The following IREB2 variants were observed in gnomAD, a reference collection of about 807,000 sequenced individuals.
IREB2 encodes the protein iron-responsive element-binding protein 2.
A neutral mutation model predicts 118.8 loss-of-function variants in IREB2; 39 were observed. The observed-to-expected ratio is 0.33, with a 90% CI of 0.25 to 0.43. The LOEUF (loss-of-function observed/expected upper bound fraction) is 0.43. IREB2 is among the 20% of genes least tolerant of loss of function. The pLI is 1.00. For missense variants in IREB2, 900 were observed against 1,147.3 expected (o/e 0.78, Z 3.11); for synonymous variants, 372 against 392.2 (o/e 0.95, Z 0.61).
rs1247407039 is a variant in IREB2, at chr15:78,478,269, TTTG to T, written c.1196-22_1196-20del. ...TAACTAAATAAATTTCTCACTGCAT[TTTG>T]TTGTTTTGTTCATCTTCGTTTTAGG... On this transcript the variant is annotated intron_variant, in intron 9 of 21. Coordinates refer to ENST00000258886, the MANE Select transcript of IREB2 (RefSeq NM_004136.4). 4 of 1,380,796 alleles carry T rather than the reference TTTG, an allele frequency of 2.9e-6. No homozygotes were observed. The East Asian group carries it at 6.9e-5, about 24-fold the overall frequency. 85.5% of individuals were successfully genotyped at this position (1,380,796 alleles called of 1,614,324 possible).
At position 78,471,669 on chromosome 15, in the gene IREB2, A is replaced by G. The variant is rs145104678; in HGVS notation, c.700-72A>G. On this transcript the variant is annotated intron_variant, in intron 6 of 21. Transcript: ENST00000258886. ...ATTAGTTAAAATATTTTTAATGTTA[A>G]TATTACACCTTGATTGTGAGCACAA... 6.7e-4 allele frequency: 585 copies of G among 873,074 alleles called. 2 individuals are homozygous for G. In the African/African-American group the frequency reaches 8.6e-3, roughly 13 times the overall value. 54.1% of individuals were successfully genotyped at this position (873,074 alleles called of 1,614,324 possible).
intron 2 of IREB2, among the ~76,000 whole-genome samples, chr15:78,447,746 G>A (rs914374425): frequency 1.1e-4 from 16 of 152,130 alleles, no homozygotes; most frequent in Non-Finnish European, 1.6e-4. Flanking sequence ...CACCATGCCC[G>A]GCCCATTATT....
At chr15:78,479,515 G>T (rs2051529988) in intron 10 of IREB2, among the ~76,000 whole-genome samples, 1 of 151,540 alleles carries the variant, frequency 6.6e-6, no homozygotes, top group South Asian at 2.1e-4. Context: ...GGGATTACAG[G>T]TGTGAACCAC....
At chr15:78,440,000 C>T in intron 2 of IREB2, 119 bp downstream of exon 2, 1 of 663,610 alleles carries the variant, frequency 1.5e-6, no homozygotes, top group Non-Finnish European at 2.6e-6. Context: ...GGTACACCTA[C>T]ACATACCTAT....
chr15:78,489,208 G>A (rs1040490283), intron 16 of IREB2, among the ~76,000 whole-genome samples: 14 of 148,012 alleles, frequency 9.5e-5, no homozygotes, highest in Non-Finnish European at 1.5e-4. Context: ...GGCAACAAGA[G>A]TGCAACTCTG....
intron 16 of IREB2, among the ~76,000 whole-genome samples, chr15:78,489,222 C>CAAAAAAAAAA (rs5813920): frequency 8.3e-6 from 1 of 120,804 alleles, no homozygotes; most frequent in Non-Finnish European, 1.8e-5. Flanking sequence ...AACTCTGTCT[C>CAAAAAAAAAA]AAAAAAAAAA....
intron 20 of IREB2, among the ~76,000 whole-genome samples, chr15:78,496,273 T>C (rs930131336): frequency 1.3e-5 from 2 of 152,200 alleles, no homozygotes; most frequent in African/African-American, 4.8e-5. Flanking sequence ...TTGTTACTTA[T>C]TTGTATTTTT....
At chr15:78,489,194 C>G (rs944420938) in intron 16 of IREB2, among the ~76,000 whole-genome samples, 5 of 151,182 alleles carry the variant, frequency 3.3e-5, no homozygotes, top group Admixed American at 1.3e-4. Context: ...TGCACTCCAG[C>G]CTGGGCAACA....
intron 3 of IREB2, among the ~76,000 whole-genome samples, chr15:78,464,685 G>A (rs2051251891): frequency 6.6e-6 from 1 of 152,120 alleles, no homozygotes; most frequent in South Asian, 2.1e-4. Flanking sequence ...CTGGGCTCAA[G>A]CTGTTATTGT....
In IREB2 at chr15:78,438,454, C is replaced by G. The variant is rs1207969864; in HGVS notation, c.19+98C>G. 17 of 1,368,758 alleles carry G rather than the reference C, an allele frequency of 1.2e-5. No individual in the cohort carries two copies. In the East Asian group the frequency reaches 4.2e-4, roughly 34 times the overall value. The allele number at this position is 1,368,758 out of a possible 1,614,324, so 84.8% of individuals were successfully genotyped here. Reference sequence around the variant, plus strand: ...TTCTCGCCTGGAGTCGCTCGGCAGGCGCCCAGGCCCTCGGGGCTCGGGTTG... The same window carrying G: ...TTCTCGCCTGGAGTCGCTCGGCAGGGGCCCAGGCCCTCGGGGCTCGGGTTG... On this transcript the variant is annotated intron_variant, in intron 1 of 21. Transcript: ENST00000258886.
intron 2 of IREB2, 44 bp from the exon 3 acceptor site, chr15:78,462,878 G>A: frequency 1.4e-6 from 2 of 1,416,982 alleles, no homozygotes; most frequent in Non-Finnish European, 9.6e-7. Context: ...ATAATATATA[G>A]GTATGACTGT....
At chr15:78,467,160 G>A (rs894930653) in intron 5 of IREB2, among the ~76,000 whole-genome samples, 26 of 141,310 alleles carry the variant, frequency 1.8e-4, no homozygotes, top group African/African-American at 6.8e-4. Flanking sequence ...AGTGAGCCAA[G>A]ATCATGCCAC....
chr15:78,483,302 C>G lies in IREB2; in HGVS notation c.1297-16C>G, dbSNP rs752245828. ...TTAATTCTAATTCCTTGTTCTTTCT[C>G]TTTCTCATTTCTTAGGTGATCCAGA... is the stretch of plus-strand genomic sequence containing the variant. On this transcript the variant is annotated splice_polypyrimidine_tract_variant and intron_variant, in intron 10 of 21. Transcript: ENST00000258886. The G allele has an allele frequency of 8.4e-7, 1 of 1,185,018 alleles. No homozygotes were observed. Among genetic ancestry groups the G allele is most frequent in the Non-Finnish European group, 1.3e-6 (1 of 794,748 alleles). 73.4% of individuals were successfully genotyped at this position (1,185,018 alleles called of 1,614,324 possible).
At position 78,476,353 on chromosome 15, in the gene IREB2, C is replaced by T. The variant is rs367560897; in HGVS notation, c.1189C>T (p.His397Tyr). 93 of 1,556,852 alleles carry T rather than the reference C, an allele frequency of 6.0e-5. No homozygotes were observed. In the South Asian group the frequency reaches 1.0e-3, roughly 17 times the overall value. The change falls in exon 9 of 22, where the codon CAT becomes TAT. Residue 397 changes from histidine (H) to tyrosine (Y), a missense_variant. Transcript: ENST00000258886. Reference protein sequence around the residue: ...VDNVTLKHLEHTGFSKAKLES... With the variant: ...VDNVTLKHLEYTGFSKAKLES... ...CAATGTGACATTAAAACATTTAGAA[C>T]ATACAGGTAAGAAGATAAAAGATCA...
chr15:78,487,419 T>C (rs1885710532), intron 13 of IREB2, among the ~76,000 whole-genome samples: 1 of 152,172 alleles, frequency 6.6e-6, no homozygotes, highest in Non-Finnish European at 1.5e-5. Flanking sequence ...TATTTTTTAT[T>C]TTACAAAAAA....
chr15:78,482,850 C>G (rs1302919486), intron 10 of IREB2, among the ~76,000 whole-genome samples: 1 of 151,964 alleles, frequency 6.6e-6, no homozygotes, highest in Non-Finnish European at 1.5e-5. Flanking sequence ...TGGGTTCACG[C>G]CATTCCCCTG....
chr15:78,476,759 GAGAAGA>G (rs551131974), intron 9 of IREB2: 1 of 152,954 alleles, frequency 6.5e-6, no homozygotes, highest in Non-Finnish European at 1.5e-5. Context: ...CTTCTATCTA[GAGAAGA>G]AGAAGAAGCG....
chr15:78,477,817 A>G (rs1245415362), intron 9 of IREB2, among the ~76,000 whole-genome samples: 1 of 152,134 alleles, frequency 6.6e-6, no homozygotes, highest in Non-Finnish European at 1.5e-5. Context: ...GCAACTTGAG[A>G]GGCTAAGGCG....
chr15:78,472,038 A>G lies in IREB2; in HGVS notation c.883+114A>G, dbSNP rs968505593. ...GCCTCTTTGAGGCTCTGTGTTTTTC[A>G]TCTGTAATAACAGCAGCAACAACAA... On this transcript the variant is annotated intron_variant, in intron 7 of 21. Transcript: ENST00000258886. 4.2e-6 allele frequency: 3 copies of G among 714,966 alleles called. No individual in the cohort carries two copies. The Admixed American group carries it at 1.0e-4, about 24-fold the overall frequency. 44.3% of individuals were successfully genotyped at this position (714,966 alleles called of 1,614,324 possible).
Sources: allele counts gnomAD v4.1 joint callset (sites outside exome capture counted in the v4.1 genomes callset), GRCh38; gene constraint gnomAD v4.1.1; transcripts MANE v1.5; gene names NCBI Gene and HGNC (gene_info 2026-07-23, HGNC 2026-07-21).